The following MSN variants were observed in gnomAD, a reference collection of about 807,000 sequenced individuals.
The protein encoded by MSN is epididymis luminal protein 70.
A neutral mutation model predicts 48.0 loss-of-function variants in MSN; 2 were observed. The observed-to-expected ratio is 0.04, with a 90% confidence interval of 0.02 to 0.13. MSN has a LOEUF of 0.13. Among genes scored for constraint, MSN ranks in the 10% least tolerant of loss-of-function variants. MSN has a pLI of 1.00. For synonymous variants in MSN, 146 were observed against 166.9 expected, an observed-to-expected ratio of 0.87 and a Z score of 0.97; for missense variants, 267 against 470.1, an observed-to-expected ratio of 0.57 and a Z score of 3.99.
chrX:65,733,055 TA>T, intron 6 of MSN, 128 bp from the exon 7 acceptor site: 1 of 487,300 alleles, frequency 2.1e-6, no homozygotes, highest in African/African-American at 2.4e-5. Flanking sequence ...CGTCTCTATT[TA>T]TTTTAAAAAA....
In MSN at chrX:65,623,791, G is replaced by A. The variant is rs1401551227; in HGVS notation, c.-22+35179G>A. Among the ~76,000 whole-genome samples, 5 of 101,894 alleles carry A rather than the reference G, an allele frequency of 4.9e-5. No individual in the cohort carries two copies. The East Asian group carries it at 1.2e-3, about 24-fold the overall frequency. 88.5% of individuals were successfully genotyped at this position (101,894 alleles called of 115,157 possible). A position where few individuals can be genotyped will look rare whatever the true frequency, so the allele number is the denominator to read the frequency against. On this transcript the variant is annotated intron_variant, in intron 1 of 3. Transcript: ENST00000609672. ...CGTGCCATTGCACTCCAGCCTGGGC[G>A]ACAAGAGAGAAACTCCGTCTCAAAA... is the stretch of plus-strand genomic sequence containing the variant.
At chrX:65,659,255 G>C (rs758076729) in intron 1 of MSN, among the ~76,000 whole-genome samples, 9 of 110,831 alleles carry the variant, frequency 8.1e-5, no homozygotes, top group Non-Finnish European at 1.7e-4. Context: ...CCAGGTTCAA[G>C]CAATCCTCCT....
At chrX:65,627,757 A>G (rs1304603419) in intron 1 of MSN, among the ~76,000 whole-genome samples, 1 of 111,891 alleles carries the variant, frequency 8.9e-6, no homozygotes, top group East Asian at 2.8e-4. Context: ...CCAAAAGTCC[A>G]TAGTCCAAAG....
At chrX:65,676,536 G>A (rs1429009723) in intron 1 of MSN, among the ~76,000 whole-genome samples, 1 of 111,829 alleles carries the variant, frequency 8.9e-6, no homozygotes, top group African/African-American at 3.3e-5. Flanking sequence ...AATGAGAGAA[G>A]AGTTGAGATA....
At chrX:65,716,362 ACCTTCTGGGTT>A (rs1268623397) in intron 1 of MSN, among the ~76,000 whole-genome samples, 1 of 108,076 alleles carries the variant, frequency 9.3e-6, no homozygotes, top group Non-Finnish European at 1.9e-5. Context: ...TGCAACCTCT[ACCTTCTGGGTT>A]CCAGTGATTC....
At chrX:65,606,407 G>A (rs2070279619) in intron 1 of MSN, among the ~76,000 whole-genome samples, 1 of 110,084 alleles carries the variant, frequency 9.1e-6, no homozygotes, top group African/African-American at 3.3e-5. Flanking sequence ...GATTACAGGT[G>A]TGAGCCACCA....
rs1390031506 is a variant in MSN at position 65,667,767 on chromosome X, C to T, written c.-75C>T. 8.3e-6 allele frequency: 10 copies of T among 1,200,268 alleles called. No homozygotes were observed. Among genetic ancestry groups the T allele is most frequent in the African/African-American group, 1.7e-5 (1 of 57,355 alleles). ...AGTCCCCGGCCAGCCGAATCCAAGC[C>T]GTGTGTACTGCGTGCTCAGCACTGC... On this transcript the variant is annotated 5_prime_UTR_variant, in exon 1 of 13. Coordinates refer to ENST00000360270, the MANE Select transcript of MSN (RefSeq NM_002444.3).
chrX:65,687,521 T>C (rs1017330371), intron 1 of MSN, among the ~76,000 whole-genome samples: 1 of 111,928 alleles, frequency 8.9e-6, no homozygotes, highest in Non-Finnish European at 1.9e-5. Context: ...GTGAAGTGGT[T>C]AGGTTGCTGT....
chrX:65,588,752 G>C (rs141052323), intron 1 of MSN: 58 of 389,754 alleles, frequency 1.5e-4, no homozygotes, highest in Non-Finnish European at 1.9e-4. Flanking sequence ...ACACTGAAAT[G>C]TTGATCAGTG....
intron 1 of MSN, among the ~76,000 whole-genome samples, chrX:65,673,391 G>T (rs1256766002): frequency 9.0e-6 from 1 of 111,192 alleles, no homozygotes; most frequent in Non-Finnish European, 1.9e-5. Flanking sequence ...CCTTCCTAAG[G>T]GCTCCTAAAC....
At chrX:65,654,083 A>G (rs1043808315) in intron 1 of MSN, among the ~76,000 whole-genome samples, 2 of 97,367 alleles carry the variant, frequency 2.1e-5, no homozygotes, top group Admixed American at 2.3e-4. Context: ...GCTCTATGCA[A>G]TCATTTTATG....
intron 1 of MSN, among the ~76,000 whole-genome samples, chrX:65,623,701 A>T (rs1244010205): frequency 9.2e-6 from 1 of 108,799 alleles, no homozygotes; most frequent in Non-Finnish European, 1.9e-5. Context: ...AATCCCAGCT[A>T]CTTGGGAGGC....
At chrX:65,739,707 G>C in intron 12 of MSN, 22 bp from the exon 13 acceptor site, 7 of 1,195,525 alleles carry the variant, frequency 5.9e-6, no homozygotes, top group Non-Finnish European at 7.9e-6. Context: ...ATTGACCTCT[G>C]TGTTCCCATA....
chrX:65,730,538 C>T (rs2071612509), intron 4 of MSN, among the ~76,000 whole-genome samples: 1 of 110,070 alleles, frequency 9.1e-6, no homozygotes, highest in South Asian at 4.0e-4. Context: ...GGGACTCTAC[C>T]TGAGTCATTG....
At chrX:65,680,611 T>C (rs2071045054) in intron 1 of MSN, among the ~76,000 whole-genome samples, 1 of 111,771 alleles carries the variant, frequency 8.9e-6, no homozygotes, top group South Asian at 3.8e-4. Context: ...TCTAGCTTCC[T>C]CTCCCAACTC....
intron 1 of MSN, among the ~76,000 whole-genome samples, chrX:65,609,627 T>C (rs2070304427): frequency 9.0e-6 from 1 of 111,686 alleles, no homozygotes; most frequent in South Asian, 3.7e-4. Context: ...CTCATGTCTG[T>C]AATCCCAGCA....
chrX:65,703,808 G>GCGGT (rs928320281), intron 1 of MSN, among the ~76,000 whole-genome samples: 1 of 111,429 alleles, frequency 9.0e-6, no homozygotes, highest in Non-Finnish European at 1.9e-5. Context: ...CTGGGCTCAA[G>GCGGT]CGGTCTGCTT....
At position 65,667,688 on chromosome X, in the gene MSN, C is replaced by T; in HGVS notation, c.-154C>T. The T allele has an allele frequency of 9.1e-7, 1 of 1,100,536 alleles. No individual in the cohort carries two copies. Among genetic ancestry groups the T allele is most frequent in the Non-Finnish European group, 1.2e-6 (1 of 833,634 alleles). 90.7% of individuals were successfully genotyped at this position (1,100,536 alleles called of 1,213,427 possible). A position where few individuals can be genotyped will look rare whatever the true frequency, so the allele number is the denominator to read the frequency against. On this transcript the variant is annotated 5_prime_UTR_variant, in exon 1 of 13. Coordinates refer to ENST00000360270, the MANE Select transcript of MSN (RefSeq NM_002444.3). The stretch of plus-strand genomic sequence containing the variant: ...CTGGGTGGGGTTTGTGAAGTCGTGG[C>T]CCGTTAGCAGGAAGCCTAACAGTCG...
At chrX:65,734,434 G>A (rs2071654826) in intron 7 of MSN, among the ~76,000 whole-genome samples, 1 of 111,534 alleles carries the variant, frequency 9.0e-6, no homozygotes, top group South Asian at 3.7e-4. Context: ...TTAGAGAGAT[G>A]GAGTGATTTG....
Sources: gnomAD v4.1 joint callset for allele counts (sites outside exome capture counted in the v4.1 genomes callset) on GRCh38, gnomAD v4.1.1 for gene constraint, MANE v1.5 for transcripts, NCBI Gene and HGNC (gene_info 2026-07-23, HGNC 2026-07-21) for gene names.